LMO3: variants seen among roughly 807,000 people sequenced by gnomAD.
LMO3 encodes the protein LIM domain only protein 3.
In LMO3, 2 loss-of-function variants were observed where a neutral mutation model predicts 15.8. That is an observed-to-expected ratio of 0.13 (90% CI 0.05 to 0.40). The LOEUF (loss-of-function observed/expected upper bound fraction) is 0.40, where lower values mean the gene tolerates loss of function less well. Among genes scored for constraint, LMO3 ranks in the 10% least tolerant of loss-of-function variants. The pLI, the probability that LMO3 is intolerant of heterozygous loss-of-function variation, is 0.99. For synonymous variants in LMO3, 62 were observed against 63.8 expected, an observed-to-expected ratio of 0.97 and a Z score of 0.13; for missense variants, 86 against 182.2, an observed-to-expected ratio of 0.47 and a Z score of 3.04.
rs1418865097 is a variant in LMO3, at chr12:16,586,372, C to G, written c.206+14283G>C. On this transcript the variant is annotated intron_variant, in intron 2 of 3. Transcript: ENST00000537304. This position sits in a 1 kb window ranked among gnomAD's most constrained non-coding sequence, Gnocchi z 4.3. ...GCATGAATGGAGAACCACTGCATGG[C>G]TGTGGCAAGGAGAGCGGAGGATCCT... Among the ~76,000 whole-genome samples, 1 of 152,174 alleles carries G rather than the reference C, an allele frequency of 6.6e-6. No individual in the cohort carries two copies. The highest frequency in any genetic ancestry group is 1.5e-5 in the Non-Finnish European group (1 of 68,026).
In LMO3 at chr12:16,567,109, T is replaced by C. The variant is rs189118141; in HGVS notation, c.207-6571A>G. On this transcript the variant is annotated intron_variant, in intron 2 of 3. Transcript: ENST00000537304. ...TACTCAGGAGGCTGAGCCAGGAGAATCACTTGAACCTGCGAGGCGGAGGTT... is the reference window on the plus strand; with the variant it reads ...TACTCAGGAGGCTGAGCCAGGAGAACCACTTGAACCTGCGAGGCGGAGGTT... 9.2e-5 allele frequency among the ~76,000 whole-genome samples: 14 copies of C among 152,186 alleles called. No individual in the cohort carries two copies. In the East Asian group the frequency reaches 2.1e-3, roughly 23 times the overall value.
chr12:16,566,040 A>ATATATATATATAT (rs1942598708), intron 2 of LMO3, among the ~76,000 whole-genome samples: 10 of 106,796 alleles, frequency 9.4e-5, no homozygotes, highest in East Asian at 3.3e-4. Context: ...ATATATATAT[A>ATATATATATATAT]AAATGGAGTA....
intron 2 of LMO3, chr12:16,573,719 C>T (rs1942901472): frequency 6.6e-6 from 1 of 152,192 alleles, no homozygotes; most frequent in Non-Finnish European, 1.5e-5. Flanking sequence ...ACCCTAATGA[C>T]CCCTGAAGCA....
In LMO3 at chr12:16,604,591, C is replaced by G. The variant is rs1341644979; in HGVS notation, c.-9+1475G>C. 2.5e-5 allele frequency: 12 copies of G among 479,456 alleles called. No individual in the cohort carries two copies. Among genetic ancestry groups the G allele is most frequent in the African/African-American group, 3.9e-5 (2 of 51,560 alleles). 29.7% of individuals were successfully genotyped at this position (479,456 alleles called of 1,614,324 possible). A position where few individuals can be genotyped will look rare whatever the true frequency, so the allele number is the denominator to read the frequency against. ...AAAAAAAAAATAAGAAACATACATA[C>G]ACTCTAACAAAGAATCCCTTGCGGA... On this transcript the variant is annotated intron_variant, in intron 1 of 3. Coordinates refer to ENST00000537304, the MANE Select transcript of LMO3 (RefSeq NM_018640.5). The surrounding 1 kb of genome is among the most constrained non-coding windows in gnomAD (Gnocchi z 5.3).
rs1288405855 is a variant in LMO3 at position 16,597,846 on chromosome 12, A to G, written c.206+2809T>C. Reference sequence around the variant, plus strand: ...ATGGAAGTATGCTGAATTTGGAGGAAAATGAGAAAAATTACTTTTAAAGCT... The same window carrying G: ...ATGGAAGTATGCTGAATTTGGAGGAGAATGAGAAAAATTACTTTTAAAGCT... On this transcript the variant is annotated intron_variant, in intron 2 of 3. Transcript: ENST00000537304. This position sits in a 1 kb window ranked among gnomAD's most constrained non-coding sequence, Gnocchi z 5.0. 3 of 151,960 alleles carry G rather than the reference A, an allele frequency of 2.0e-5. No homozygotes were observed. Among genetic ancestry groups the G allele is most frequent in the Admixed American group, 6.6e-5 (1 of 15,234 alleles). The allele number at this position is 151,960 out of a possible 1,614,324, so 9.4% of individuals were successfully genotyped here.
chr12:16,610,065 ACTCTT>A (rs1944094215), upstream of LMO3: 1 of 150,550 alleles, frequency 6.6e-6, no homozygotes, highest in Non-Finnish European at 1.5e-5. Flanking sequence ...TCCCACCATC[ACTCTT>A]CGAAATTCAG....
intron 3 of LMO3, among the ~76,000 whole-genome samples, chr12:16,552,481 C>T (rs922900553): frequency 6.6e-6 from 1 of 152,012 alleles, no homozygotes; most frequent in Non-Finnish European, 1.5e-5. Flanking sequence ...GACTGATTTA[C>T]ATTTGCAAAG....
In LMO3 at chr12:16,604,564, A is replaced by C. The variant is rs1365461169; in HGVS notation, c.-9+1502T>G. 4.9e-5 allele frequency: 6 copies of C among 123,488 alleles called. No individual in the cohort carries two copies. Among genetic ancestry groups the C allele is most frequent in the African/African-American group, 2.1e-4 (5 of 24,322 alleles). The allele number at this position is 123,488 out of a possible 1,614,324, so 7.6% of individuals were successfully genotyped here. A position where few individuals can be genotyped will look rare whatever the true frequency, so the allele number is the denominator to read the frequency against. On this transcript the variant is annotated intron_variant, in intron 1 of 3. Transcript: ENST00000537304. This position sits in a 1 kb window ranked among gnomAD's most constrained non-coding sequence, Gnocchi z 5.3. The stretch of plus-strand genomic sequence containing the variant: ...TTTTGATGCAGCTCACATGCAAAAT[A>C]AAAAAAAAAAATAAGAAACATACAT...
At chr12:16,573,325 C>T (rs79379935) in intron 2 of LMO3, among the ~76,000 whole-genome samples, 28 of 152,054 alleles carry the variant, frequency 1.8e-4, no homozygotes, top group African/African-American at 6.3e-4. Context: ...TGAACTCAGA[C>T]ATATTGAATA....
intron 2 of LMO3, chr12:16,594,466 C>A (rs972325529): frequency 8.5e-5 from 36 of 423,408 alleles, no homozygotes; most frequent in Non-Finnish European, 1.3e-4. Context: ...TTTTCCAGAT[C>A]TTGTCCAGCA....
rs1335014179 is a variant in LMO3 at position 16,596,174 on chromosome 12, T to A, written c.206+4481A>T. On this transcript the variant is annotated intron_variant, in intron 2 of 3. Transcript: ENST00000537304. The surrounding 1 kb of genome is among the most constrained non-coding windows in gnomAD (Gnocchi z 4.3). The stretch of plus-strand genomic sequence containing the variant: ...GTGGCAATTTATTTTTATTTTCTCT[T>A]TTAGAGTTATTATATTATTATATTA... Among the ~76,000 whole-genome samples, 1 of 151,494 alleles carries A rather than the reference T, an allele frequency of 6.6e-6. No individual in the cohort carries two copies. Among genetic ancestry groups the A allele is most frequent in the East Asian group, 1.9e-4 (1 of 5,184 alleles).
chr12:16,556,057 T>C (rs1942177623), intron 3 of LMO3, among the ~76,000 whole-genome samples: 1 of 152,148 alleles, frequency 6.6e-6, no homozygotes, highest in Non-Finnish European at 1.5e-5. Context: ...ATAAACCAGA[T>C]TTTATCCACC....
At position 16,603,933 on chromosome 12, in the gene LMO3, G is replaced by A. The variant is rs139561041; in HGVS notation, c.-9+2133C>T. ...AGAGTGAATAGAAAACATTTTGTCC[G>A]TCGGAAAATTCACAGAGAACAATTT... On this transcript the variant is annotated intron_variant, in intron 1 of 3. Transcript: ENST00000537304. The surrounding 1 kb of genome is among the most constrained non-coding windows in gnomAD (Gnocchi z 4.9). Among the ~76,000 whole-genome samples, 4 of 152,272 alleles carry A rather than the reference G, an allele frequency of 2.6e-5. No homozygotes were observed. The highest frequency in any genetic ancestry group is 3.9e-4 in the East Asian group (2 of 5,184).
rs138523313 is a variant in LMO3, at chr12:16,594,271, A to G, written c.206+6384T>C. On this transcript the variant is annotated intron_variant, in intron 2 of 3. Coordinates refer to ENST00000537304, the MANE Select transcript of LMO3 (RefSeq NM_018640.5). ...CACACCTCTTCAAATGCTTAACAAG[A>G]GGAAGTGCCATGTGTCAGCAGAAGT... 9.6e-4 allele frequency: 1,465 copies of G among 1,523,840 alleles called. 14 individuals carry two copies. The African/African-American group carries it at 0.017, about 18-fold the overall frequency. The allele number at this position is 1,523,840 out of a possible 1,614,324, so 94.4% of individuals were successfully genotyped here.
intron 2 of LMO3, among the ~76,000 whole-genome samples, chr12:16,568,417 C>A (rs1439945701): frequency 1.3e-5 from 2 of 150,564 alleles, no homozygotes; most frequent in Non-Finnish European, 2.9e-5. Flanking sequence ...TGGTTTCTCC[C>A]CAACCTCCAA....
chr12:16,590,810 C>A (rs755436731), intron 2 of LMO3, among the ~76,000 whole-genome samples: 1 of 151,930 alleles, frequency 6.6e-6, no homozygotes, highest in African/African-American at 2.4e-5. Flanking sequence ...ATCAAACATG[C>A]GACTATATCA....
chr12:16,560,514 G>A lies in LMO3; in HGVS notation c.231C>T (p.Cys77=), dbSNP rs149014326. ...YLRLFGVTGN[C]AACSKLIPAF... ...CAGGGATGAGCTTACTACAGGCAGC[G>A]CAGTTTCCCGTTACACCAAAGAGCC... The change falls in exon 3 of 4, where the codon TGC becomes TGT. Residue 77 remains cysteine, a synonymous_variant. Transcript: ENST00000537304. This position sits in a 1 kb window ranked among gnomAD's most constrained non-coding sequence, Gnocchi z 5.0. 76 of 1,612,914 alleles carry A rather than the reference G, an allele frequency of 4.7e-5. No individual in the cohort carries two copies. The highest frequency in any genetic ancestry group is 6.6e-5 in the South Asian group (6 of 90,936).
chr12:16,594,364 A>C, intron 2 of LMO3: 2 of 1,091,892 alleles, frequency 1.8e-6, no homozygotes, highest in Admixed American at 5.8e-5. Context: ...GAAAAAGGCC[A>C]TTTATAGAGA....
In LMO3 at chr12:16,587,782, A is replaced by G. The variant is rs1182123476; in HGVS notation, c.206+12873T>C. On this transcript the variant is annotated intron_variant, in intron 2 of 3. Coordinates refer to ENST00000537304, the MANE Select transcript of LMO3 (RefSeq NM_018640.5). This position sits in a 1 kb window ranked among gnomAD's most constrained non-coding sequence, Gnocchi z 4.3. ...GGGTTCTCTTAGCATTTATCTGTCT[A>G]AAAATCTCACTGTGTCCTGAATGGG... is the stretch of plus-strand genomic sequence containing the variant. Among the ~76,000 whole-genome samples, 1 of 151,994 alleles carries G rather than the reference A, an allele frequency of 6.6e-6. No homozygotes were observed. The highest frequency in any genetic ancestry group is 1.9e-4 in the East Asian group (1 of 5,168).
Sources: gnomAD v4.1 joint callset for allele counts (sites outside exome capture counted in the v4.1 genomes callset) on GRCh38, gnomAD v4.1.1 for gene constraint, Gnocchi (gnomAD v3.1) non-coding constraint, MANE v1.5 for transcripts, NCBI Gene and HGNC (gene_info 2026-07-23, HGNC 2026-07-21) for gene names.